The following FAM20A variants were observed in gnomAD, a reference collection of about 807,000 sequenced individuals.
FAM20A encodes pseudokinase FAM20A.
Under a neutral mutation model 52.0 loss-of-function variants are expected in FAM20A, and 42 were observed. The ratio of observed to expected loss-of-function variants is 0.81; its 90% CI spans 0.63 to 1.04. The LOEUF (loss-of-function observed/expected upper bound fraction) is 1.04. Among genes scored for constraint, FAM20A ranks in the 50% least tolerant of loss-of-function variants. The pLI is 0.00. For synonymous variants in FAM20A, 304 were observed against 298.9 expected, an observed-to-expected ratio of 1.02 and a Z score of -0.18; for missense variants, 742 against 712.7, an observed-to-expected ratio of 1.04 and a Z score of -0.47.
intron 6 of FAM20A, 125 bp downstream of exon 6, chr17:68,542,569 C>T: frequency 2.6e-6 from 2 of 778,046 alleles, no homozygotes; most frequent in Non-Finnish European, 4.5e-6. Flanking sequence ...CTTACAACTT[C>T]ATACGCCCAT....
At chr17:68,559,508 A>G (rs1402044444) in intron 1 of FAM20A, among the ~76,000 whole-genome samples, 1 of 152,228 alleles carries the variant, frequency 6.6e-6, no homozygotes, top group East Asian at 1.9e-4. Flanking sequence ...TACAAATCAC[A>G]TGATCTTCAG....
chr17:68,541,200 T>C (rs1268305155), intron 7 of FAM20A: 1 of 520,198 alleles, frequency 1.9e-6, no homozygotes, highest in Non-Finnish European at 3.4e-6. Context: ...GGATACTGTG[T>C]GCCAGAGGGG....
chr17:68,560,833 C>T (rs2087193192), intron 1 of FAM20A, among the ~76,000 whole-genome samples: 1 of 152,178 alleles, frequency 6.6e-6, no homozygotes, highest in South Asian at 2.1e-4. Flanking sequence ...AGAAGCTTTG[C>T]CAACAGTGTA....
chr17:68,546,168 CAAAAAA>C (rs750780505), intron 4 of FAM20A, among the ~76,000 whole-genome samples: 6 of 98,912 alleles, frequency 6.1e-5, no homozygotes, highest in East Asian at 5.4e-4. Context: ...GACTCCATCT[CAAAAAA>C]AAAAAAAAAA....
intron 10 of FAM20A, among the ~76,000 whole-genome samples, chr17:68,538,365 G>T (rs909968740): frequency 1.2e-4 from 19 of 152,226 alleles, no homozygotes; most frequent in African/African-American, 4.3e-4. Flanking sequence ...CCAGAGGGAA[G>T]CATGTTTAAA....
intron 7 of FAM20A, chr17:68,541,236 G>T (rs994990442): frequency 1.4e-5 from 6 of 442,834 alleles, no homozygotes; most frequent in Admixed American, 6.9e-5. Flanking sequence ...CAGGAAAGGA[G>T]GAGGTAGTGA....
rs915086791 is a variant in FAM20A at position 68,537,945 on chromosome 17, C to T, written c.1362-204G>A. Among the ~76,000 whole-genome samples the T allele has an allele frequency of 6.6e-6, 1 of 152,048 alleles. No individual in the cohort carries two copies. The highest frequency in any genetic ancestry group is 1.5e-5 in the Non-Finnish European group (1 of 68,012). ...TATCCTGCAGTCCTTTGCCCAATTGCGATTTGGTCAAGAGCCTGCATAGCC... is the reference window on the plus strand; with the variant it reads ...TATCCTGCAGTCCTTTGCCCAATTGTGATTTGGTCAAGAGCCTGCATAGCC... On this transcript the variant is annotated intron_variant, in intron 10 of 10. Transcript: ENST00000592554. This position sits in a 1 kb window ranked among gnomAD's most constrained non-coding sequence, Gnocchi z 4.2.
chr17:68,600,677 C>A lies in FAM20A; in HGVS notation c.-11G>T. The A allele has an allele frequency of 6.5e-7, 1 of 1,535,410 alleles. No individual in the cohort carries two copies. On this transcript the variant is annotated 5_prime_UTR_variant, in exon 1 of 11. Transcript: ENST00000592554. This position sits in a 1 kb window ranked among gnomAD's most constrained non-coding sequence, Gnocchi z 6.2. ...GCGCAGCCCCGGCATGGCGTGCTGG[C>A]CAAGGGGGACGCCGGGGGCAGGCCG...
intron 1 of FAM20A, among the ~76,000 whole-genome samples, chr17:68,594,494 G>A (rs1347005937): frequency 6.6e-6 from 1 of 152,176 alleles, no homozygotes; most frequent in South Asian, 2.1e-4. Context: ...TCATTAATTA[G>A]CTCACAGTTT....
chr17:68,539,222 T>C, intron 10 of FAM20A, 115 bp downstream of exon 10: 2 of 936,176 alleles, frequency 2.1e-6, no homozygotes. Context: ...CATGTCATTC[T>C]ACCCACTTAC....
chr17:68,549,957 A>G (rs2086756299), intron 4 of FAM20A, among the ~76,000 whole-genome samples: 1 of 152,262 alleles, frequency 6.6e-6, no homozygotes, highest in Non-Finnish European at 1.5e-5. Context: ...GAGTCTCTAT[A>G]TTCAGTCCTG....
Position 68,537,786 on chromosome 17 carries a change from AAAT to A in FAM20A, c.1362-48_1362-46del, listed in dbSNP as rs1568716034. 3 of 1,575,694 alleles carry A rather than the reference AAAT, an allele frequency of 1.9e-6. No homozygotes were observed. In the South Asian group the frequency reaches 3.5e-5, roughly 18 times the overall value. ...GGAACCAAATAAGCAAATGTAAAGA[AAAT>A]AACTTGCCTGAACTTCTTTCCCCAC... On this transcript the variant is annotated intron_variant, in intron 10 of 10. Transcript: ENST00000592554. The surrounding 1 kb of genome is among the most constrained non-coding windows in gnomAD (Gnocchi z 4.2).
intron 1 of FAM20A, among the ~76,000 whole-genome samples, chr17:68,570,672 T>C (rs966676520): frequency 7.9e-5 from 12 of 152,206 alleles, no homozygotes; most frequent in East Asian, 3.9e-4. Flanking sequence ...GAAATGATAA[T>C]GAGAAATAAC....
intron 1 of FAM20A, among the ~76,000 whole-genome samples, chr17:68,581,958 G>A (rs1390321780): frequency 6.6e-6 from 1 of 152,074 alleles, no homozygotes; most frequent in African/African-American, 2.4e-5. Flanking sequence ...CTGCTTATGG[G>A]GTTGTTGCAG....
At chr17:68,567,408 G>A (rs1048465265) in intron 1 of FAM20A, among the ~76,000 whole-genome samples, 6 of 151,896 alleles carry the variant, frequency 4.0e-5, no homozygotes, top group Admixed American at 3.9e-4. Flanking sequence ...CTAAACTCTT[G>A]ATTGTCTCTC....
At chr17:68,547,652 C>G (rs1311233787) in intron 4 of FAM20A, among the ~76,000 whole-genome samples, 2 of 152,224 alleles carry the variant, frequency 1.3e-5, no homozygotes, top group Non-Finnish European at 2.9e-5. Flanking sequence ...CCTGTCTCAG[C>G]CTTCATTGAG....
At chr17:68,542,616 C>T in intron 6 of FAM20A, 78 bp downstream of exon 6, 1 of 1,088,364 alleles carries the variant, frequency 9.2e-7, no homozygotes, top group Non-Finnish European at 1.4e-6. Context: ...GGGTGTCAGG[C>T]CACTGATGAA....
At chr17:68,561,119 T>C (rs2087199770) in intron 1 of FAM20A, among the ~76,000 whole-genome samples, 2 of 152,260 alleles carry the variant, frequency 1.3e-5, no homozygotes, top group African/African-American at 4.8e-5. Context: ...TTTTTTAAAA[T>C]GCAGAAATGT....
intron 1 of FAM20A, among the ~76,000 whole-genome samples, chr17:68,581,460 TC>T (rs1381561702): frequency 2.1e-4 from 8 of 38,518 alleles, no homozygotes; most frequent in Admixed American, 3.7e-4. Context: ...TTTCTTTCTT[TC>T]CTTTCTTTCT....
Sources: allele counts gnomAD v4.1 joint callset (sites outside exome capture counted in the v4.1 genomes callset), GRCh38; gene constraint gnomAD v4.1.1; non-coding constraint Gnocchi (gnomAD v3.1); transcripts MANE v1.5; gene names NCBI Gene and HGNC (gene_info 2026-07-23, HGNC 2026-07-21).